The following LRPPRC variants were observed in gnomAD, a reference collection of about 807,000 sequenced individuals.
LRPPRC encodes the protein leucine-rich PPR motif-containing protein, mitochondrial.
LRPPRC carries 120 observed loss-of-function variants against 180.3 expected under a neutral mutation model. The observed-to-expected ratio is 0.67, with a 90% CI of 0.57 to 0.77. The LOEUF is 0.77. Ranked by LOEUF, LRPPRC falls within the 30% of genes least tolerant of loss-of-function variation. The probability of loss-of-function intolerance (pLI) is 0.00; values close to 1 mark genes in which losing one functional copy is unlikely to be tolerated. For synonymous variants in LRPPRC, 723 were observed against 600.0 expected (o/e 1.21, Z -3.00); for missense variants, 2,012 against 1,657.2 (o/e 1.21, Z -3.72).
At chr2:43,922,903 G>A (rs571530179) in intron 27 of LRPPRC, among the ~76,000 whole-genome samples, 13 of 152,164 alleles carry the variant, frequency 8.5e-5, no homozygotes, top group South Asian at 4.2e-4. Flanking sequence ...TTTATAACAC[G>A]GCAGAAGGTA....
In LRPPRC at chr2:43,901,516, T is replaced by C. The variant is rs935027000; in HGVS notation, c.3373A>G (p.Thr1125Ala). The C allele has an allele frequency of 8.1e-6, 13 of 1,609,220 alleles. No homozygotes were observed. The highest frequency in any genetic ancestry group is 2.7e-5 in the African/African-American group (2 of 74,864). ...VRRDYLKEAVTTLKTVLDQQQ... is the reference protein window; with the variant it reads ...VRRDYLKEAVATLKTVLDQQQ... The stretch of plus-strand genomic sequence containing the variant: ...TGATCCAATACTGTTTTCAGTGTTG[T>C]CACAGCCTCTAAAATACAAGAGCAG... Residue 1125 changes from threonine (T) to alanine (A), a missense_variant, in exon 32 of 38, where the codon ACA (threonine) becomes GCA (alanine). Thr to Ala is a moderately conservative substitution (Grantham distance 58). Transcript: ENST00000260665.
chr2:43,910,910 T>C (rs1184577882), intron 30 of LRPPRC, among the ~76,000 whole-genome samples: 2 of 152,126 alleles, frequency 1.3e-5, no homozygotes, highest in African/African-American at 4.8e-5. Context: ...TTTTTTTAAG[T>C]TTTCTGTCTT....
chr2:43,957,225 T>C (rs1351255611), intron 14 of LRPPRC, among the ~76,000 whole-genome samples, 160 bp downstream of exon 14: 1 of 152,196 alleles, frequency 6.6e-6, no homozygotes. Context: ...TTTAATTCAA[T>C]GACTTAAAAG....
chr2:43,950,205 CTTTTT>C (rs373640532), intron 15 of LRPPRC, among the ~76,000 whole-genome samples: 1 of 148,256 alleles, frequency 6.7e-6, no homozygotes, highest in Non-Finnish European at 1.5e-5. Context: ...CTCATGGATT[CTTTTT>C]TTTTTAATTT....
intron 11 of LRPPRC, among the ~76,000 whole-genome samples, chr2:43,968,110 A>AT (rs1316012700): frequency 1.3e-5 from 2 of 151,980 alleles, no homozygotes; most frequent in Non-Finnish European, 2.9e-5. Context: ...AAAAAAAAAA[A>AT]GGCTTTGGAC....
chr2:43,981,259 T>C (rs1674295178), intron 2 of LRPPRC, among the ~76,000 whole-genome samples: 1 of 148,226 alleles, frequency 6.7e-6, no homozygotes, highest in South Asian at 2.1e-4. Flanking sequence ...AACCTGACAC[T>C]CTACAATGGA....
intron 11 of LRPPRC, among the ~76,000 whole-genome samples, chr2:43,964,414 A>T (rs1188526012): frequency 6.6e-6 from 1 of 152,202 alleles, no homozygotes; most frequent in African/African-American, 2.4e-5. Context: ...AATTTGACAG[A>T]GGCTACAGTT....
intron 11 of LRPPRC, among the ~76,000 whole-genome samples, chr2:43,964,088 G>C (rs987977874): frequency 6.6e-6 from 1 of 152,142 alleles, no homozygotes; most frequent in Non-Finnish European, 1.5e-5. Context: ...GCAAAGAGAA[G>C]TGACTGATTT....
chr2:43,977,311 G>A (rs1033094742), intron 3 of LRPPRC, 35 bp from the exon 4 acceptor site: 8 of 1,560,878 alleles, frequency 5.1e-6, no homozygotes, highest in Non-Finnish European at 7.0e-6. Flanking sequence ...TTTTAGAAAA[G>A]CATTGAAAAT....
At chr2:43,950,527 G>C in intron 15 of LRPPRC, 46 bp downstream of exon 15, 1 of 1,523,576 alleles carries the variant, frequency 6.6e-7, no homozygotes, top group South Asian at 1.1e-5. Context: ...GTATTGGCTT[G>C]TAACGTTAAA....
At chr2:43,971,503 A>AAAAAAAAAAAAAAAAAAAAC (rs1673808157) in intron 11 of LRPPRC, among the ~76,000 whole-genome samples, 1 of 147,802 alleles carries the variant, frequency 6.8e-6, no homozygotes, top group Non-Finnish European at 1.5e-5. Context: ...AAAAAAAAAA[A>AAAAAAAAAAAAAAAAAAAAC]AGAAAAAAAT....
chr2:43,899,815 A>C (rs755659111), intron 32 of LRPPRC, among the ~76,000 whole-genome samples: 3 of 152,242 alleles, frequency 2.0e-5, no homozygotes, highest in Non-Finnish European at 4.4e-5. Context: ...TTCGTGCTGC[A>C]GTGGTTGTTT....
chr2:43,961,050 G>C lies in LRPPRC; in HGVS notation c.1489-416C>G, dbSNP rs544888908. Among the ~76,000 whole-genome samples the C allele has an allele frequency of 2.0e-5, 3 of 152,092 alleles. No individual in the cohort carries two copies. In the East Asian group the frequency reaches 5.8e-4, roughly 29 times the overall value. On this transcript the variant is annotated intron_variant, in intron 12 of 37. Transcript: ENST00000260665. ...CATTTGTTTAACAATTTAAATATATGAGTCAAAATTTAGCTCAAATACATT... is the reference window on the plus strand; with the variant it reads ...CATTTGTTTAACAATTTAAATATATCAGTCAAAATTTAGCTCAAATACATT...
intron 27 of LRPPRC, among the ~76,000 whole-genome samples, chr2:43,920,092 A>C (rs1171066444): frequency 6.6e-6 from 1 of 151,556 alleles, no homozygotes; most frequent in African/African-American, 2.4e-5. Flanking sequence ...AAAAAAAAAA[A>C]AAAAAAAAAA....
chr2:43,987,013 T>C (rs575699356), intron 1 of LRPPRC, among the ~76,000 whole-genome samples: 1 of 152,354 alleles, frequency 6.6e-6, no homozygotes, highest in Admixed American at 6.5e-5. Flanking sequence ...AATTTAACTA[T>C]TCCACTTGAA....
At chr2:43,981,415 C>T (rs576728465) in intron 2 of LRPPRC, among the ~76,000 whole-genome samples, 2 of 152,286 alleles carry the variant, frequency 1.3e-5, no homozygotes, top group South Asian at 4.1e-4. Flanking sequence ...AATCCCAGCA[C>T]TTTGGGAGGC....
At chr2:43,929,949 AAAACAAACAAACAAACAAAC>A (rs34536805) in intron 25 of LRPPRC, among the ~76,000 whole-genome samples, 23 of 150,206 alleles carry the variant, frequency 1.5e-4, no homozygotes, top group African/African-American at 5.2e-4. Context: ...GGACAAAACA[AAAACAAACAAACAAACAAAC>A]AAACAAACAA....
chr2:43,960,693 C>T (rs1476858999), intron 12 of LRPPRC, 59 bp from the exon 13 acceptor site: 1 of 820,344 alleles, frequency 1.2e-6, no homozygotes, highest in Non-Finnish European at 2.2e-6. Context: ...TTTGATAAGC[C>T]AAAGATCCTG....
At chr2:43,910,569 A>G (rs573013837) in intron 30 of LRPPRC, among the ~76,000 whole-genome samples, 3 of 152,206 alleles carry the variant, frequency 2.0e-5, no homozygotes, top group African/African-American at 7.2e-5. Context: ...CCTTATGAAG[A>G]TTTTCTATTT....
Sources: gnomAD v4.1 joint callset for allele counts (sites outside exome capture counted in the v4.1 genomes callset) on GRCh38, gnomAD v4.1.1 for gene constraint, MANE v1.5 for transcripts, NCBI Gene and HGNC (gene_info 2026-07-23, HGNC 2026-07-21) for gene names.